Variants in LBR observed in about 807,000 individuals in gnomAD.
The protein encoded by LBR is lamin B receptor.
Under a neutral mutation model 74.3 loss-of-function variants are expected in LBR, and 28 were observed. That is an observed-to-expected ratio of 0.38 (90% CI 0.28 to 0.52). The LOEUF (loss-of-function observed/expected upper bound fraction) is 0.52. LBR is among the 20% of genes least tolerant of loss of function. The probability of loss-of-function intolerance (pLI) is 0.89; values close to 1 mark genes in which losing one functional copy is unlikely to be tolerated. For synonymous variants in LBR, 228 were observed against 269.3 expected (o/e 0.85, Z 1.50); for missense variants, 717 against 760.3 (o/e 0.94, Z 0.67).
intron 2 of LBR, among the ~76,000 whole-genome samples, chr1:225,423,419 A>G (rs767009598): frequency 6.6e-6 from 1 of 151,208 alleles, no homozygotes; most frequent in Non-Finnish European, 1.5e-5. Context: ...AAGCCCCCCC[A>G]GCCTGGCTCC....
chr1:225,406,871 T>C (rs774486272), intron 10 of LBR, 39 bp from the exon 11 acceptor site: 11 of 1,599,206 alleles, frequency 6.9e-6, no homozygotes, highest in African/African-American at 4.0e-5. Context: ...AAGGAGCTTC[T>C]GTGTTTAAAG....
chr1:225,419,249 GC>G lies in LBR; in HGVS notation c.640+13del, dbSNP rs1173779035. The G allele has an allele frequency of 1.2e-5, 19 of 1,613,886 alleles. No homozygotes were observed. The highest frequency in any genetic ancestry group is 3.3e-5 in the Admixed American group (2 of 60,026). On this transcript the variant is annotated intron_variant, in intron 5 of 13. Transcript: ENST00000272163. ...ACCCCACCTGCCCTCTCTGGGCCCA[GC>G]TCTGAGGCCTACCAGGTACTCCTCC... is the stretch of plus-strand genomic sequence containing the variant.
chr1:225,403,212 T>C lies in LBR; in HGVS notation c.*91A>G, dbSNP rs1056844079. 7 of 1,263,194 alleles carry C rather than the reference T, an allele frequency of 5.5e-6. No homozygotes were observed. The highest frequency in any genetic ancestry group is 1.7e-5 in the Admixed American group (1 of 59,442). 78.2% of individuals were successfully genotyped at this position (1,263,194 alleles called of 1,614,324 possible). On this transcript the variant is annotated 3_prime_UTR_variant, in exon 14 of 14. Coordinates refer to ENST00000272163, the MANE Select transcript of LBR (RefSeq NM_002296.4). ...AAAAAAAAAGTACAGACCCTGTCAG[T>C]GCAACAAAAGAAAGTTTCGGATTTT...
At chr1:225,422,855 T>C (rs1014091589) in intron 2 of LBR, among the ~76,000 whole-genome samples, 1 of 152,224 alleles carries the variant, frequency 6.6e-6, no homozygotes, top group African/African-American at 2.4e-5. Flanking sequence ...GCTTTTACAT[T>C]CTTAAATGAT....
chr1:225,425,839 T>C (rs1488758278), intron 1 of LBR, among the ~76,000 whole-genome samples: 1 of 151,572 alleles, frequency 6.6e-6, no homozygotes, highest in Non-Finnish European at 1.5e-5. Context: ...AAACTCTTTA[T>C]AAACTTTTGA....
In LBR at chr1:225,404,468, G is replaced by A. The variant is rs893372194; in HGVS notation, c.1623C>T (p.Gly541=). The change falls in exon 13 of 14, where the codon GGC becomes GGT. Residue 541 remains glycine (G), a synonymous_variant. Coordinates refer to ENST00000272163, the MANE Select transcript of LBR (RefSeq NM_002296.4). ...CCAAGTAATTGGGGTGGCGAACAAA[G>A]CCCCACCATCCAGAAACTAGAAGAT... is the stretch of plus-strand genomic sequence containing the variant. ...GKNLLVSGWW[G]FVRHPNYLGD... is the part of the protein sequence containing the mutation. The A allele has an allele frequency of 4.3e-6, 7 of 1,613,874 alleles. No homozygotes were observed. The African/African-American group carries it at 6.7e-5, about 15-fold the overall frequency.
chr1:225,423,237 T>C (rs560283419), intron 2 of LBR, among the ~76,000 whole-genome samples: 15 of 152,368 alleles, frequency 9.8e-5, no homozygotes, highest in Non-Finnish European at 2.2e-4. Context: ...AACTCATTTT[T>C]ATGGCATTTT....
At chr1:225,421,953 C>T in intron 3 of LBR, 124 bp downstream of exon 3, 1 of 951,760 alleles carries the variant, frequency 1.1e-6, no homozygotes. Context: ...TATGAAAACT[C>T]CCAAAGTCAT....
In LBR at chr1:225,419,125, G is replaced by A. The variant is rs1179463179; in HGVS notation, c.640+138C>T. ...TGCACCCACTGTTCCTTCTCTGGAA[G>A]GCTCTTCCACAGGTTCCCACCAGGC... is the stretch of plus-strand genomic sequence containing the variant. On this transcript the variant is annotated intron_variant, in intron 5 of 13. Transcript: ENST00000272163. The A allele has an allele frequency of 5.1e-6, 4 of 791,532 alleles. No homozygotes were observed. The African/African-American group carries it at 6.8e-5, about 13-fold the overall frequency. The allele number at this position is 791,532 out of a possible 1,614,324, so 49.0% of individuals were successfully genotyped here.
intron 11 of LBR, among the ~76,000 whole-genome samples, chr1:225,406,257 C>A (rs999762524): frequency 6.6e-6 from 1 of 152,212 alleles, no homozygotes; most frequent in Non-Finnish European, 1.5e-5. Context: ...TTAGTGCTCA[C>A]TCACACACCT....
At chr1:225,405,093 G>A (rs6426074) in intron 11 of LBR, among the ~76,000 whole-genome samples, 151,401 of 152,362 alleles carry the variant, frequency 0.99, 75,229 homozygotes, top group Middle Eastern at 1. Flanking sequence ...AGAGTTCAGT[G>A]TAATCAAAAT....
chr1:225,410,869 C>T (rs2096103722), intron 9 of LBR, among the ~76,000 whole-genome samples: 1 of 152,204 alleles, frequency 6.6e-6, no homozygotes, highest in South Asian at 2.1e-4. Flanking sequence ...TCGACTGAGG[C>T]CTGTGGACTT....
intron 5 of LBR, 77 bp downstream of exon 5, chr1:225,419,186 G>T: frequency 7.4e-7 from 1 of 1,350,720 alleles, no homozygotes; most frequent in Non-Finnish European, 1.1e-6. Context: ...CTTCAGAGAG[G>T]CCTTTCCAGT....
Position 225,418,075 on chromosome 1 carries a change from G to T in LBR, c.746C>A (p.Ala249Asp), listed in dbSNP as rs200781118. 1.0e-4 allele frequency: 162 copies of T among 1,614,034 alleles called. 1 individual carries two copies. Among genetic ancestry groups the T allele is most frequent in the South Asian group, 6.9e-4 (63 of 91,088 alleles). The change falls in exon 6 of 14, where the codon GCT becomes GAT. Residue 249 changes from alanine (A) to aspartate (D), a missense_variant. By Grantham distance (126) the Ala-to-Asp change is moderately radical (BLOSUM62 -2). Coordinates refer to ENST00000272163, the MANE Select transcript of LBR (RefSeq NM_002296.4). ...SLLNFPPPLP[A>D]LYELWETRVF... ...TCTGGTTTCCCATAACTCATACAAA[G>T]CTGGCAAAGGAGGAGGGAAATTCAG...
chr1:225,428,039 A>C (rs2096144462), upstream of LBR: 3 of 151,702 alleles, frequency 2.0e-5, no homozygotes, highest in Admixed American at 2.0e-4. Flanking sequence ...GCGCGACGCT[A>C]CCCGGCCGCG....
chr1:225,405,655 A>C, intron 11 of LBR, among the ~76,000 whole-genome samples: 1 of 152,136 alleles, frequency 6.6e-6, no homozygotes, highest in Non-Finnish European at 1.5e-5. Context: ...ATGCTCTTTG[A>C]CTTCCTGGCC....
chr1:225,414,313 A>C, intron 7 of LBR: 1 of 353,822 alleles, frequency 2.8e-6, no homozygotes, highest in Non-Finnish European at 5.6e-6. Flanking sequence ...ATGCTGCGTA[A>C]GTCTCTAAAC....
intron 2 of LBR, among the ~76,000 whole-genome samples, chr1:225,423,209 T>C (rs948243908): frequency 5.3e-5 from 8 of 152,216 alleles, no homozygotes; most frequent in Admixed American, 2.6e-4. Flanking sequence ...CTATTGTGTA[T>C]GTCTTTATTT....
rs1176137959 is a variant in LBR at position 225,404,437 on chromosome 1, G to A, written c.1654C>T (p.Leu552Phe). ...FVRHPNYLGD[L>F]IMALAWSLPC... ...AGGGACCACGCCAAGGCCATGATGA[G>A]ATCACCCAAGTAATTGGGGTGGCGA... Residue 552 changes from leucine to phenylalanine, a missense_variant, in exon 13 of 14, where the codon CTC becomes TTC. Physicochemically the swap from Leu to Phe is conservative, Grantham distance 22 (BLOSUM62 0). Coordinates refer to ENST00000272163, the MANE Select transcript of LBR (RefSeq NM_002296.4). 3.7e-6 allele frequency: 6 copies of A among 1,614,172 alleles called. No homozygotes were observed. Among genetic ancestry groups the A allele is most frequent in the African/African-American group, 1.3e-5 (1 of 75,056 alleles).
Sources: allele counts gnomAD v4.1 joint callset (sites outside exome capture counted in the v4.1 genomes callset), GRCh38; gene constraint gnomAD v4.1.1; transcripts MANE v1.5; gene names NCBI Gene and HGNC (gene_info 2026-07-23, HGNC 2026-07-21).